Variants in ARRB1 observed in about 807,000 individuals in gnomAD.
ARRB1 encodes the protein beta-arrestin-1.
ARRB1 carries 21 observed loss-of-function variants against 56.8 expected under a neutral mutation model. The ratio of observed to expected loss-of-function variants is 0.37; its 90% CI spans 0.26 to 0.53. The LOEUF (loss-of-function observed/expected upper bound fraction) is 0.53, where lower values mean the gene tolerates loss of function less well. ARRB1 is among the 20% of genes least tolerant of loss of function. The pLI, the probability that ARRB1 is intolerant of heterozygous loss-of-function variation, is 0.88. For missense variants in ARRB1, 424 were observed against 553.7 expected (o/e 0.77, Z 2.35); for synonymous variants, 210 against 218.6 (o/e 0.96, Z 0.35).
intron 1 of ARRB1, among the ~76,000 whole-genome samples, chr11:75,343,538 A>ATTTTTTTTTTTTTTTTT (rs1947720716): frequency 6.6e-6 from 1 of 152,162 alleles, no homozygotes; most frequent in Non-Finnish European, 1.5e-5. Flanking sequence ...ATCTTACTTA[A>ATTTTTTTTTTTTTTTTT]TTTTAACTCA....
intron 11 of ARRB1, 50 bp downstream of exon 11, chr11:75,274,024 C>T (rs1339977770): frequency 3.7e-6 from 6 of 1,612,794 alleles, no homozygotes; most frequent in East Asian, 4.5e-5. Flanking sequence ...GGTGTGGCCC[C>T]ATCAGGCAAG....
chr11:75,284,429 C>A, intron 3 of ARRB1, 150 bp from the exon 4 acceptor site: 1 of 661,096 alleles, frequency 1.5e-6, no homozygotes, highest in Non-Finnish European at 2.4e-6. Context: ...GAGGGTGGCA[C>A]TGCCCACCTC....
intron 1 of ARRB1, among the ~76,000 whole-genome samples, chr11:75,308,050 ATAGCAGGC>A (rs1424244249): frequency 6.6e-6 from 1 of 152,242 alleles, no homozygotes; most frequent in Non-Finnish European, 1.5e-5. Context: ...GGGACAGGGG[ATAGCAGGC>A]CCTTCCTTAG....
chr11:75,340,822 C>T (rs1443567393), intron 1 of ARRB1, among the ~76,000 whole-genome samples: 1 of 152,158 alleles, frequency 6.6e-6, no homozygotes, highest in African/African-American at 2.4e-5. Context: ...TCCACAACCG[C>T]CCCCAGCTTC....
chr11:75,271,439 A>G (rs1946072207), intron 13 of ARRB1: 1 of 383,042 alleles, frequency 2.6e-6, no homozygotes, highest in Admixed American at 4.5e-5. Context: ...TAATTCAGAC[A>G]GCTCTCTTGG....
chr11:75,340,907 C>T (rs2134992904), intron 1 of ARRB1, among the ~76,000 whole-genome samples: 1 of 152,290 alleles, frequency 6.6e-6, no homozygotes, highest in Non-Finnish European at 1.5e-5. Context: ...GTGGCGCCAG[C>T]AGCCCCAGCA....
chr11:75,287,208 A>AC (rs1189332088), intron 3 of ARRB1, 107 bp downstream of exon 3: 3 of 1,173,138 alleles, frequency 2.6e-6, no homozygotes, highest in Non-Finnish European at 3.5e-6. Context: ...GAAGCCATTC[A>AC]CCCCCGTTCT....
chr11:75,289,022 C>T (rs561097547), intron 2 of ARRB1, among the ~76,000 whole-genome samples: 5 of 152,166 alleles, frequency 3.3e-5, no homozygotes, highest in Admixed American at 1.3e-4. Context: ...GGAGAGGGGA[C>T]GGGGAGCTGT....
intron 1 of ARRB1, among the ~76,000 whole-genome samples, chr11:75,326,892 A>C (rs1045829802): frequency 1.6e-4 from 25 of 151,864 alleles, no homozygotes; most frequent in Admixed American, 1.6e-3. Context: ...TTTTTAGTAG[A>C]GATAGAGTTT....
chr11:75,284,531 C>G (rs1422713397), intron 3 of ARRB1, among the ~76,000 whole-genome samples: 1 of 152,196 alleles, frequency 6.6e-6, no homozygotes, highest in East Asian at 1.9e-4. Flanking sequence ...GTTTCTTCAT[C>G]TGCTAGTAAG....
At chr11:75,345,570 A>G (rs1947754197) in intron 1 of ARRB1, among the ~76,000 whole-genome samples, 1 of 152,154 alleles carries the variant, frequency 6.6e-6, no homozygotes, top group Non-Finnish European at 1.5e-5. Flanking sequence ...TGGAGGAGAC[A>G]TCCTTCCTTC....
chr11:75,284,252 T>C lies in ARRB1; in HGVS notation c.140A>G (p.Tyr47Cys). 5.0e-6 allele frequency: 8 copies of C among 1,609,122 alleles called. No homozygotes were observed. The highest frequency in any genetic ancestry group is 6.8e-6 in the Non-Finnish European group (8 of 1,176,572). ...VDGVVLVDPE[Y>C]LKERRVYVTL... Reference sequence around the variant, plus strand: ...CAGCCTACCTCTCCGCTCTTTGAGATACTCAGGATCCACCAGGACCACACC... The same window carrying C: ...CAGCCTACCTCTCCGCTCTTTGAGACACTCAGGATCCACCAGGACCACACC... Residue 47 changes from tyrosine to cysteine, a missense_variant, in exon 4 of 16, where the codon TAT becomes TGT. Physicochemically the swap from Tyr to Cys is radical, Grantham distance 194. Around this residue, in one of 3 missense-constraint regions of ARRB1, gnomAD observed 301 missense variants for 387.9 expected, o/e 0.78. Coordinates refer to ENST00000420843, the MANE Select transcript of ARRB1 (RefSeq NM_004041.5).
intron 13 of ARRB1, among the ~76,000 whole-genome samples, chr11:75,269,375 C>T (rs1396968096): frequency 2.0e-5 from 3 of 152,120 alleles, no homozygotes; most frequent in African/African-American, 7.2e-5. Flanking sequence ...GGTCGGAGCT[C>T]CTCCCACCCT....
In ARRB1 at chr11:75,288,835, C is replaced by T. The variant is rs539128610; in HGVS notation, c.51+1174G>A. 2.2e-3 allele frequency among the ~76,000 whole-genome samples: 329 copies of T among 152,170 alleles called. 1 individual carries two copies. Among genetic ancestry groups the T allele is most frequent in the Non-Finnish European group, 4.0e-3 (274 of 67,990 alleles). ...TTCAAACTCCTGACCTCAAGTGATCCACCCACCTTGGCCTCCCAAAGTGCT... is the reference window on the plus strand; with the variant it reads ...TTCAAACTCCTGACCTCAAGTGATCTACCCACCTTGGCCTCCCAAAGTGCT... On this transcript the variant is annotated intron_variant, in intron 2 of 15. Transcript: ENST00000420843.
intron 1 of ARRB1, among the ~76,000 whole-genome samples, chr11:75,332,890 A>G (rs1402774137): frequency 6.6e-6 from 1 of 151,854 alleles, no homozygotes; most frequent in African/African-American, 2.4e-5. Context: ...GTGAGACTCC[A>G]TCTCAAAAAA....
chr11:75,311,261 G>A (rs182442844), intron 1 of ARRB1, among the ~76,000 whole-genome samples: 93 of 152,310 alleles, frequency 6.1e-4, no homozygotes, highest in Non-Finnish European at 9.1e-4. Context: ...ACTTGAACCC[G>A]GGAGGCACAG....
At chr11:75,314,593 G>A (rs1199893863) in intron 1 of ARRB1, among the ~76,000 whole-genome samples, 5 of 151,782 alleles carry the variant, frequency 3.3e-5, no homozygotes, top group South Asian at 2.1e-4. Flanking sequence ...TCTGACTCTC[G>A]TCTCTAACAA....
chr11:75,272,411 C>T (rs2140403947), intron 12 of ARRB1, among the ~76,000 whole-genome samples: 1 of 152,292 alleles, frequency 6.6e-6, no homozygotes, highest in Admixed American at 6.5e-5. Context: ...CTGTCTGGGC[C>T]TCTGTTTCAC....
At chr11:75,314,958 T>C (rs1947240234) in intron 1 of ARRB1, among the ~76,000 whole-genome samples, 1 of 152,138 alleles carries the variant, frequency 6.6e-6, no homozygotes, top group South Asian at 2.1e-4. Flanking sequence ...CAGTGCCCGG[T>C]GAACAGAGAG....
Sources: gnomAD v4.1 joint callset for allele counts (sites outside exome capture counted in the v4.1 genomes callset) on GRCh38, gnomAD v4.1.1 for gene constraint, gnomAD v4.1.1 regional missense constraint, MANE v1.5 for transcripts, NCBI Gene and HGNC (gene_info 2026-07-23, HGNC 2026-07-21) for gene names.